Variants in GRK4 observed in about 807,000 individuals in gnomAD.
GRK4 encodes G protein-coupled receptor kinase 4.
A neutral mutation model predicts 77.9 loss-of-function variants in GRK4; 73 were observed. That is an observed-to-expected ratio of 0.94 (90% CI 0.78 to 1.14). The LOEUF (loss-of-function observed/expected upper bound fraction) is 1.14, where lower values mean the gene tolerates loss of function less well. Among genes scored for constraint, GRK4 ranks in the 50% most tolerant of loss-of-function variants. GRK4 has a pLI of 0.00. For synonymous variants in GRK4, 257 were observed against 254.4 expected, an observed-to-expected ratio of 1.01 and a Z score of -0.10; for missense variants, 729 against 700.2, an observed-to-expected ratio of 1.04 and a Z score of -0.46.
At chr4:3,026,948 T>G (rs1470674668) in intron 10 of GRK4, among the ~76,000 whole-genome samples, 1 of 152,250 alleles carries the variant, frequency 6.6e-6, no homozygotes, top group Non-Finnish European at 1.5e-5. Flanking sequence ...GGTATGATAT[T>G]AGAAGCTGAG....
chr4:2,965,652 C>T (rs1313998330), intron 1 of GRK4: 1 of 588,076 alleles, frequency 1.7e-6, no homozygotes, highest in Non-Finnish European at 3.0e-6. Context: ...CCAGCCTGGG[C>T]AAAACACAGC....
In GRK4 at chr4:3,040,101, A is replaced by G. The variant is rs545939763; in HGVS notation, c.1684-471A>G. Among the ~76,000 whole-genome samples the G allele has an allele frequency of 3.1e-4, 47 of 152,314 alleles. 1 individual carries two copies. The highest frequency in any genetic ancestry group is 5.9e-4 in the Non-Finnish European group (40 of 68,020). On this transcript the variant is annotated intron_variant, in intron 15 of 15. Transcript: ENST00000398052. ...TGAGCTAAGCATCTACCACATCATG[A>G]AGTAAATAAGGAGAAAATTTTTCAG...
chr4:2,964,306 C>G (rs1716751620), intron 1 of GRK4, among the ~76,000 whole-genome samples, 184 bp downstream of exon 1: 2 of 152,000 alleles, frequency 1.3e-5, no homozygotes, highest in Admixed American at 1.3e-4. Flanking sequence ...GCAGTGTGGT[C>G]AGGCTGCCCG....
intron 1 of GRK4, among the ~76,000 whole-genome samples, chr4:2,973,885 A>T (rs1281921737): frequency 1.3e-5 from 2 of 152,054 alleles, no homozygotes; most frequent in African/African-American, 4.8e-5. Flanking sequence ...TGGCCTTAAG[A>T]CCGCCGCCCC....
chr4:3,005,909 G>A (rs971542246), intron 5 of GRK4, among the ~76,000 whole-genome samples: 1 of 152,110 alleles, frequency 6.6e-6, no homozygotes, highest in African/African-American at 2.4e-5. Flanking sequence ...GGGTGGTTTA[G>A]ATGCTTATTC....
intron 1 of GRK4, chr4:2,969,139 G>C (rs897288787): frequency 6.6e-6 from 1 of 152,472 alleles, no homozygotes; most frequent in East Asian, 1.9e-4. Flanking sequence ...AGAGGAAAGA[G>C]GAGATCAGAG....
intron 5 of GRK4, among the ~76,000 whole-genome samples, chr4:3,004,769 GAGA>G (rs779431025): frequency 2.0e-5 from 3 of 152,146 alleles, no homozygotes; most frequent in Non-Finnish European, 4.4e-5. Flanking sequence ...GGAGGCTGAG[GAGA>G]AGGAGGAAGA....
chr4:3,003,152 A>G (rs906479438), intron 4 of GRK4, among the ~76,000 whole-genome samples: 13 of 152,218 alleles, frequency 8.5e-5, no homozygotes, highest in African/African-American at 3.1e-4. Flanking sequence ...GGGACCATAT[A>G]TAAGTGGAAT....
intron 1 of GRK4, among the ~76,000 whole-genome samples, chr4:2,965,045 C>A (rs1717099302): frequency 6.6e-6 from 1 of 152,150 alleles, no homozygotes; most frequent in East Asian, 1.9e-4. Flanking sequence ...ACAAGTTATG[C>A]CAAGTCATCA....
chr4:2,988,869 C>A, intron 3 of GRK4, 30 bp downstream of exon 3: 1 of 1,310,608 alleles, frequency 7.6e-7, no homozygotes, highest in South Asian at 1.2e-5. Context: ...ATTGAGCAAC[C>A]ACCCAATCTT....
At chr4:2,971,655 T>C (rs755202338) in intron 1 of GRK4, among the ~76,000 whole-genome samples, 2 of 152,252 alleles carry the variant, frequency 1.3e-5, no homozygotes, top group African/African-American at 2.4e-5. Flanking sequence ...ACAAACCTGA[T>C]GTCTCCCGCA....
chr4:3,024,617 T>C (rs1334404728), intron 10 of GRK4, among the ~76,000 whole-genome samples: 1 of 152,150 alleles, frequency 6.6e-6, no homozygotes, highest in African/African-American at 2.4e-5. Context: ...CCTAGTACTT[T>C]GGGAGGCTGA....
Position 2,979,336 on chromosome 4 carries a change from G to A in GRK4, c.53-5177G>A, listed in dbSNP as rs1722142386. On this transcript the variant is annotated intron_variant, in intron 1 of 15. Coordinates refer to ENST00000398052, the MANE Select transcript of GRK4 (RefSeq NM_182982.3). ...GGAGAATCACCTGAACCCAGGAGGT[G>A]GAGGTTGCAATCATCTGAGATGGTG... Among the ~76,000 whole-genome samples the A allele has an allele frequency of 2.7e-5, 4 of 150,802 alleles. No individual in the cohort carries two copies. The South Asian group carries it at 8.4e-4, about 32-fold the overall frequency.
rs576123579 is a variant in GRK4 at position 3,038,260 on chromosome 4, G to A, written c.1546-116G>A. 50 of 1,304,402 alleles carry A rather than the reference G, an allele frequency of 3.8e-5. No homozygotes were observed. In the African/African-American group the frequency reaches 6.8e-4, roughly 18 times the overall value. 80.8% of individuals were successfully genotyped at this position (1,304,402 alleles called of 1,614,324 possible). A position where few individuals can be genotyped will look rare whatever the true frequency, so the allele number is the denominator to read the frequency against. Reference sequence around the variant, plus strand: ...CCAGAAAAGGGGCCCCACAGTGGGTGCAGGAGCTCTGAGGTGCCCCGCACG... The same window carrying A: ...CCAGAAAAGGGGCCCCACAGTGGGTACAGGAGCTCTGAGGTGCCCCGCACG... On this transcript the variant is annotated intron_variant, in intron 14 of 15. Transcript: ENST00000398052.
intron 1 of GRK4, chr4:2,966,454 T>C (rs1217363569): frequency 6.6e-6 from 1 of 152,010 alleles, no homozygotes; most frequent in Non-Finnish European, 1.5e-5. Flanking sequence ...CCCTGAAATA[T>C]CTCATATTAA....
chr4:3,027,395 A>G (rs953278227), intron 10 of GRK4, among the ~76,000 whole-genome samples: 5 of 152,176 alleles, frequency 3.3e-5, no homozygotes, highest in Non-Finnish European at 5.9e-5. Context: ...ATCCTTCTAT[A>G]TTCAACGCAT....
rs1738507535 is a variant in GRK4 at position 3,029,394 on chromosome 4, A to G, written c.1254A>G (p.Lys418=). Residue 418 remains lysine (K), a synonymous_variant, in exon 12 of 16, where the codon AAA becomes AAG. Transcript: ENST00000398052. ...EYSEKFSEDA[K]SICRMLLTKN... The stretch of plus-strand genomic sequence containing the variant: ...CTGAGAAGTTTTCAGAGGATGCCAA[A>G]TCTATCTGCAGGATGGTAAGTCAGG... 1.2e-6 allele frequency: 2 copies of G among 1,613,510 alleles called. No homozygotes were observed. Among genetic ancestry groups the G allele is most frequent in the Non-Finnish European group, 1.7e-6 (2 of 1,179,552 alleles).
chr4:3,001,600 C>G (rs1228782483), intron 4 of GRK4, among the ~76,000 whole-genome samples: 1 of 152,096 alleles, frequency 6.6e-6, no homozygotes, highest in Non-Finnish European at 1.5e-5. Context: ...CTCCTGACCT[C>G]AGGTGATCCA....
intron 1 of GRK4, among the ~76,000 whole-genome samples, chr4:2,970,660 A>G (rs2109400135): frequency 6.6e-6 from 1 of 151,710 alleles, no homozygotes; most frequent in East Asian, 2.0e-4. Flanking sequence ...CCATCTCAAA[A>G]AAAAAAAAAA....
Sources: allele counts gnomAD v4.1 joint callset (sites outside exome capture counted in the v4.1 genomes callset), GRCh38; gene constraint gnomAD v4.1.1; transcripts MANE v1.5; gene names NCBI Gene and HGNC (gene_info 2026-07-23, HGNC 2026-07-21).